The following COL6A5 variants were observed in gnomAD, a reference collection of about 807,000 sequenced individuals.
COL6A5 encodes collagen type VI alpha 5 chain.
A neutral mutation model predicts 65.6 loss-of-function variants in COL6A5; 48 were observed. The ratio of observed to expected loss-of-function variants is 0.73; its 90% CI spans 0.58 to 0.93. The LOEUF (loss-of-function observed/expected upper bound fraction) is 0.93, where lower values mean the gene tolerates loss of function less well. Among genes scored for constraint, COL6A5 ranks in the 40% least tolerant of loss-of-function variants. The pLI, the probability that COL6A5 is intolerant of heterozygous loss-of-function variation, is 0.00. For missense variants in COL6A5, 914 were observed against 928.3 expected (o/e 0.98, Z 0.20); for synonymous variants, 291 against 322.8 (o/e 0.90, Z 1.05).
chr3:130,455,025 A>G (rs1021104412), intron 4 of COL6A5, among the ~76,000 whole-genome samples: 1 of 152,088 alleles, frequency 6.6e-6, no homozygotes, highest in East Asian at 1.9e-4. Flanking sequence ...CTTTGGTCCC[A>G]GCTACTCAGG....
intron 4 of COL6A5, among the ~76,000 whole-genome samples, chr3:130,382,811 A>C (rs1386975113): frequency 6.6e-6 from 1 of 152,140 alleles, no homozygotes; most frequent in African/African-American, 2.4e-5. Context: ...ATTCACATTA[A>C]CCAAACTCAA....
At chr3:130,465,020 C>T (rs1221392132) in intron 5 of COL6A5, among the ~76,000 whole-genome samples, 6 of 151,966 alleles carry the variant, frequency 3.9e-5, no homozygotes, top group Non-Finnish European at 8.8e-5. Flanking sequence ...AGAAAGCAAA[C>T]AAAACATTTG....
At chr3:130,477,378 A>G (rs1411125114) in intron 7 of COL6A5, 3 of 256,200 alleles carry the variant, frequency 1.2e-5, no homozygotes, top group East Asian at 1.4e-4. Context: ...TTGTTTTCCT[A>G]AAGAGATTGA....
intron 1 of COL6A5, among the ~76,000 whole-genome samples, chr3:130,434,533 A>G (rs977193775): frequency 3.9e-5 from 6 of 152,206 alleles, no homozygotes; most frequent in Non-Finnish European, 7.3e-5. Flanking sequence ...CAATGGTTGA[A>G]TTAATTTACA....
chr3:130,369,323 T>C (rs945932607), intron 1 of COL6A5, among the ~76,000 whole-genome samples: 2 of 152,216 alleles, frequency 1.3e-5, no homozygotes, highest in Non-Finnish European at 2.9e-5. Context: ...TTTGCAATAT[T>C]TGTGGCATGT....
chr3:130,366,752 A>G (rs981472172), intron 1 of COL6A5, among the ~76,000 whole-genome samples: 1 of 152,212 alleles, frequency 6.6e-6, no homozygotes, highest in Non-Finnish European at 1.5e-5. Flanking sequence ...CTGAAACATC[A>G]TGTTCATTTA....
At chr3:130,440,025 A>C in intron 2 of COL6A5, 141 bp from the exon 35 acceptor site, 1 of 742,070 alleles carries the variant, frequency 1.3e-6, no homozygotes, top group Non-Finnish European at 2.2e-6. Flanking sequence ...ATTTCTCATT[A>C]ATTTAAATTA....
intron 17 of COL6A5, among the ~76,000 whole-genome samples, chr3:130,408,664 T>C (rs986971848): frequency 6.7e-6 from 1 of 149,920 alleles, no homozygotes; most frequent in African/African-American, 2.5e-5. Context: ...ACTTGCTGGT[T>C]TTGTGGCTCA....
chr3:130,433,222 C>T (rs1369567559), intron 1 of COL6A5, among the ~76,000 whole-genome samples: 6 of 152,008 alleles, frequency 3.9e-5, no homozygotes, highest in African/African-American at 7.2e-5. Context: ...AATTTTTCTG[C>T]CTCCTTAATT....
chr3:130,473,562 G>T (rs1400575174), intron 7 of COL6A5, among the ~76,000 whole-genome samples: 2 of 151,988 alleles, frequency 1.3e-5, no homozygotes, highest in African/African-American at 4.8e-5. Context: ...AAAGAGTCAG[G>T]GTCATGATTA....
chr3:130,354,610 A>T lies in COL6A5; in HGVS notation c.-29+8629A>T, dbSNP rs566449274. On this transcript the variant is annotated intron_variant and NMD_transcript_variant, in intron 1 of 41. Coordinates refer to the COL6A5 transcript ENST00000312481. ...TCATACGCACGTTAAAGCTTGAGAA[A>T]CACTTTCTTAATTAACCACTTCCTA... 5.9e-5 allele frequency among the ~76,000 whole-genome samples: 9 copies of T among 152,302 alleles called. No homozygotes were observed. In the East Asian group the frequency reaches 1.5e-3, roughly 26 times the overall value.
At chr3:130,418,473 A>T (rs1366283606) in intron 24 of COL6A5, among the ~76,000 whole-genome samples, 2 of 152,072 alleles carry the variant, frequency 1.3e-5, no homozygotes, top group Non-Finnish European at 2.9e-5. Flanking sequence ...ATCTCACAAT[A>T]TTATAATTGC....
intron 4 of COL6A5, among the ~76,000 whole-genome samples, chr3:130,447,519 G>A: frequency 6.6e-6 from 1 of 152,074 alleles, no homozygotes; most frequent in East Asian, 1.9e-4. Context: ...CCAAACAGTC[G>A]ACTTTATGGT....
At chr3:130,462,704 G>A (rs1254948163) in intron 5 of COL6A5, among the ~76,000 whole-genome samples, 1 of 152,098 alleles carries the variant, frequency 6.6e-6, no homozygotes, top group Non-Finnish European at 1.5e-5. Context: ...GTTCTACAAT[G>A]CCTAAGAAGA....
chr3:130,370,702 A>G (rs892315262), intron 1 of COL6A5, among the ~76,000 whole-genome samples: 1 of 152,256 alleles, frequency 6.6e-6, no homozygotes, highest in Non-Finnish European at 1.5e-5. Flanking sequence ...ATAGTGAGAC[A>G]TACTATGTTG....
intron 4 of COL6A5, among the ~76,000 whole-genome samples, chr3:130,384,489 A>C (rs1293880353): frequency 3.3e-5 from 5 of 152,086 alleles, no homozygotes; most frequent in Non-Finnish European, 5.9e-5. Context: ...CTGTCTAAGA[A>C]GGCAGGTGTC....
At chr3:130,364,636 C>T (rs1460966261) in intron 1 of COL6A5, among the ~76,000 whole-genome samples, 1 of 152,228 alleles carries the variant, frequency 6.6e-6, no homozygotes, top group East Asian at 1.9e-4. Context: ...TGAGTTTGCA[C>T]TTAAGAAAAG....
chr3:130,481,393 G>A lies in COL6A5; in HGVS notation c.2329-2642G>A, dbSNP rs1710236903. Among the ~76,000 whole-genome samples, 5 of 152,214 alleles carry A rather than the reference G, an allele frequency of 3.3e-5. No homozygotes were observed. In the South Asian group the frequency reaches 1.0e-3, roughly 32 times the overall value. On this transcript the variant is annotated intron_variant, in intron 7 of 7. Transcript: ENST00000512836. ...CATGAACTCATTCTTTTTTATGGCT[G>A]CATAGTATTCCATGGTGTATATGTG...
chr3:130,409,347 G>T, exon 18 of COL6A5: 1 of 1,546,014 alleles, frequency 6.5e-7, no homozygotes, highest in East Asian at 2.5e-5. Flanking sequence ...TTCCAGAGGT[G>T]CCCCTGGGCA....
Sources: allele counts gnomAD v4.1 joint callset (sites outside exome capture counted in the v4.1 genomes callset), GRCh38; gene constraint gnomAD v4.1.1; transcripts MANE v1.5; gene names NCBI Gene and HGNC (gene_info 2026-07-23, HGNC 2026-07-21).